Variants in PRMT8 observed in about 807,000 individuals in gnomAD.
The protein encoded by PRMT8 is protein arginine N-methyltransferase 8.
In PRMT8, 7 loss-of-function variants were observed where a neutral mutation model predicts 47.1. The observed-to-expected ratio is 0.15, with a 90% CI of 0.08 to 0.28. PRMT8 has a LOEUF of 0.28. Among genes scored for constraint, PRMT8 ranks in the 10% least tolerant of loss-of-function variants. PRMT8 has a pLI of 1.00. For missense variants in PRMT8, 237 were observed against 505.4 expected (o/e 0.47, Z 5.09); for synonymous variants, 188 against 186.5 (o/e 1.01, Z -0.07).
chr12:3,452,939 G>A (rs963548999), intron 1 of PRMT8, among the ~76,000 whole-genome samples: 1 of 152,188 alleles, frequency 6.6e-6, no homozygotes, highest in Non-Finnish European at 1.5e-5. Context: ...TGACCGACAG[G>A]CAGAGTGGCA....
intron 2 of PRMT8, among the ~76,000 whole-genome samples, chr12:3,543,445 A>G (rs1866268576): frequency 6.6e-6 from 1 of 152,186 alleles, no homozygotes; most frequent in Non-Finnish European, 1.5e-5. Context: ...GGCAAGACCC[A>G]TATTTCTGCA....
intron 1 of PRMT8, among the ~76,000 whole-genome samples, chr12:3,471,563 C>T (rs145572735): frequency 5.1e-4 from 78 of 151,812 alleles, no homozygotes; most frequent in African/African-American, 1.8e-3. Flanking sequence ...TCAGTCACCC[C>T]CCCTTGGCCC....
Position 3,493,649 on chromosome 12 carries a change from G to T in PRMT8, c.75+1949G>T, listed in dbSNP as rs952001655. Among the ~76,000 whole-genome samples, 56 of 152,352 alleles carry T rather than the reference G, an allele frequency of 3.7e-4. No homozygotes were observed. Among genetic ancestry groups the T allele is most frequent in the African/African-American group, 1.2e-3 (50 of 41,578 alleles). On this transcript the variant is annotated intron_variant, in intron 1 of 9. Transcript: ENST00000382622. This position sits in a 1 kb window ranked among gnomAD's most constrained non-coding sequence, Gnocchi z 8.2. ...CGAGGGTTAAAGGCGTCCGGAGCAG[G>T]CAGAGCGCCGCGCGCCAGTCTATTT...
Position 3,434,394 on chromosome 12 carries a change from A to G in PRMT8, c.48+52952A>G, listed in dbSNP as rs547939209. 2.6e-5 allele frequency among the ~76,000 whole-genome samples: 4 copies of G among 152,318 alleles called. No individual in the cohort carries two copies. In the East Asian group the frequency reaches 5.8e-4, roughly 22 times the overall value. ...ACATGCACAAAACTAAAAGCAGGCC[A>G]CCGTTCTCCTTGCTATCTAAAAAAG... is the stretch of plus-strand genomic sequence containing the variant. On this transcript the variant is annotated intron_variant, in intron 1 of 9. Coordinates refer to the PRMT8 transcript ENST00000452611.
At position 3,569,752 on chromosome 12, in the gene PRMT8, A is replaced by G. The variant is rs539017821; in HGVS notation, c.712+188A>G. 2.0e-5 allele frequency among the ~76,000 whole-genome samples: 3 copies of G among 152,352 alleles called. No individual in the cohort carries two copies. Among genetic ancestry groups the G allele is most frequent in the East Asian group, 3.9e-4 (2 of 5,188 alleles). On this transcript the variant is annotated intron_variant, in intron 6 of 9. Coordinates refer to ENST00000382622, the MANE Select transcript of PRMT8 (RefSeq NM_019854.5). This position sits in a 1 kb window ranked among gnomAD's most constrained non-coding sequence, Gnocchi z 8.2. ...ATCTAGTCCCAAGGGTGTTAGGTCT[A>G]CAGACAGAAAATAAGCCATATGGCT...
intron 4 of PRMT8, 53 bp from the exon 5 acceptor site, chr12:3,568,653 G>T (rs1866779056): frequency 3.1e-6 from 5 of 1,608,448 alleles, no homozygotes; most frequent in Non-Finnish European, 4.3e-6. Flanking sequence ...AGGTGCTTGT[G>T]GTTCCTGGGT....
intron 1 of PRMT8, among the ~76,000 whole-genome samples, chr12:3,467,055 C>T (rs772198731): frequency 1.5e-4 from 23 of 151,758 alleles, no homozygotes; most frequent in Non-Finnish European, 1.5e-4. Flanking sequence ...GGCTAACACA[C>T]GGGGAAACCC....
At position 3,400,180 on chromosome 12, in the gene PRMT8, TAA is replaced by T. The variant is rs1200649235; in HGVS notation, c.48+18740_48+18741del. ...AAGATCAGAGCTGAACTGAAGGAGA[TAA>T]AGAGACGAAAAACCCTTCAAAAAAT... On this transcript the variant is annotated intron_variant, in intron 1 of 9. Transcript: ENST00000452611. 4.0e-5 allele frequency among the ~76,000 whole-genome samples: 6 copies of T among 151,728 alleles called. No individual in the cohort carries two copies. The East Asian group carries it at 1.2e-3, about 29-fold the overall frequency.
intron 1 of PRMT8, among the ~76,000 whole-genome samples, chr12:3,435,800 G>A (rs1456586594): frequency 1.3e-5 from 2 of 152,080 alleles, no homozygotes; most frequent in Non-Finnish European, 2.9e-5. Context: ...GATTACAGGC[G>A]CGAGCCACCA....
chr12:3,470,303 G>A (rs941320474), intron 1 of PRMT8, among the ~76,000 whole-genome samples: 1 of 152,180 alleles, frequency 6.6e-6, no homozygotes, highest in African/African-American at 2.4e-5. Context: ...GGGCCTCATG[G>A]CAACTGCAGC....
In PRMT8 at chr12:3,419,096, C is replaced by T. The variant is rs533020507; in HGVS notation, c.48+37654C>T. On this transcript the variant is annotated intron_variant, in intron 1 of 9. Transcript: ENST00000452611. ...CAGTAAACATTTACATAGCACTTCACCTCCTCAAATATTCGTCCATAAAAC... is the reference window on the plus strand; with the variant it reads ...CAGTAAACATTTACATAGCACTTCATCTCCTCAAATATTCGTCCATAAAAC... Among the ~76,000 whole-genome samples the T allele has an allele frequency of 2.6e-5, 4 of 152,304 alleles. No homozygotes were observed. In the South Asian group the frequency reaches 8.3e-4, roughly 32 times the overall value.
In PRMT8 at chr12:3,569,453, C is replaced by T. The variant is rs748374505; in HGVS notation, c.625-24C>T. 3 of 1,594,276 alleles carry T rather than the reference C, an allele frequency of 1.9e-6. No individual in the cohort carries two copies. The highest frequency in any genetic ancestry group is 2.6e-6 in the Non-Finnish European group (3 of 1,161,874). On this transcript the variant is annotated intron_variant, in intron 5 of 9. Transcript: ENST00000382622. This position sits in a 1 kb window ranked among gnomAD's most constrained non-coding sequence, Gnocchi z 8.2. ...TGTCAGGTGAATAGATTACGAGACC[C>T]ATTTCCCCACAATTCATCAACAGAA...
chr12:3,580,337 C>CGTGTGTGTGT lies in PRMT8; in HGVS notation c.829-2700_829-2691dup, dbSNP rs57739335. Among the ~76,000 whole-genome samples, 870 of 145,642 alleles carry CGTGTGTGTGT rather than the reference C, an allele frequency of 6.0e-3. 7 individuals are homozygous for CGTGTGTGTGT. Among genetic ancestry groups the CGTGTGTGTGT allele is most frequent in the African/African-American group, 0.016 (623 of 39,636 alleles). ...TCCTGCCAGATGGGGGGTGCGTGTGCGTGTGTGTGTGTGTGTGTGTGTGTG... is the reference window on the plus strand; with the variant it reads ...TCCTGCCAGATGGGGGGTGCGTGTGCGTGTGTGTGTGTGTGTGTGTGTGTGTGTGTGTGTG... On this transcript the variant is annotated intron_variant, in intron 7 of 9. Coordinates refer to ENST00000382622, the MANE Select transcript of PRMT8 (RefSeq NM_019854.5). This position sits in a 1 kb window ranked among gnomAD's most constrained non-coding sequence, Gnocchi z 4.6.
intron 4 of PRMT8, among the ~76,000 whole-genome samples, chr12:3,558,949 T>TCTATCTAC (rs1252589593): frequency 1.5e-5 from 2 of 135,626 alleles, no homozygotes; most frequent in African/African-American, 2.9e-5. Context: ...CATTTATCTG[T>TCTATCTAC]CTATCTATCT....
At chr12:3,399,426 C>T (rs1864295867) in intron 1 of PRMT8, among the ~76,000 whole-genome samples, 1 of 152,064 alleles carries the variant, frequency 6.6e-6, no homozygotes, top group East Asian at 1.9e-4. Flanking sequence ...TACCAGTATC[C>T]CCAGTTTTCT....
At chr12:3,571,506 T>C (rs993841816) in intron 6 of PRMT8, among the ~76,000 whole-genome samples, 1 of 152,174 alleles carries the variant, frequency 6.6e-6, no homozygotes, top group Non-Finnish European at 1.5e-5. Context: ...TTTGCAGGTA[T>C]GCACATTGCA....
chr12:3,463,352 G>C (rs1865059091), intron 1 of PRMT8: 1 of 152,168 alleles, frequency 6.6e-6, no homozygotes, highest in Non-Finnish European at 1.5e-5. Flanking sequence ...ACTTTTGGAA[G>C]ATTTTCTCTG....
intron 2 of PRMT8, among the ~76,000 whole-genome samples, chr12:3,545,626 G>A (rs1297265645): frequency 1.3e-5 from 2 of 152,184 alleles, no homozygotes; most frequent in Non-Finnish European, 1.5e-5. Context: ...AACAGAAAGA[G>A]AAGTTGGGAA....
At chr12:3,465,219 A>G (rs1011224708) in intron 1 of PRMT8, among the ~76,000 whole-genome samples, 2 of 144,312 alleles carry the variant, frequency 1.4e-5, no homozygotes, top group South Asian at 4.2e-4. Context: ...TATATATTTT[A>G]TAAATATAAA....
Sources: allele counts gnomAD v4.1 joint callset (sites outside exome capture counted in the v4.1 genomes callset), GRCh38; gene constraint gnomAD v4.1.1; non-coding constraint Gnocchi (gnomAD v3.1); transcripts MANE v1.5; gene names NCBI Gene and HGNC (gene_info 2026-07-23, HGNC 2026-07-21).